Variants in PLAC1 observed in about 807,000 individuals in gnomAD.
The protein encoded by PLAC1 is placenta associated 1, also known as placenta-specific protein 1.
For synonymous variants in PLAC1, 68 were observed against 62.1 expected (o/e 1.09, Z -0.44); for missense variants, 136 against 163.2 (o/e 0.83, Z 0.91).
At chrX:134,660,099 T>C (rs186819200), upstream of PLAC1, among the ~76,000 whole-genome samples, 10 of 73,753 alleles carry the variant, frequency 1.4e-4, no homozygotes, top group Non-Finnish European at 2.6e-4. Context: ...GCTGAAAATG[T>C]TCAAAGATTT....
At chrX:134,645,939 A>T (rs752435906) in intron 1 of PLAC1, among the ~76,000 whole-genome samples, 1 of 111,654 alleles carries the variant, frequency 9.0e-6, no homozygotes, top group Non-Finnish European at 1.9e-5. Context: ...TTCCCTTTAC[A>T]TACGGTTGGA....
At chrX:134,680,031 T>C (rs2078489081) in intron 2 of PLAC1, among the ~76,000 whole-genome samples, 1 of 111,853 alleles carries the variant, frequency 8.9e-6, no homozygotes, top group Non-Finnish European at 1.9e-5. Flanking sequence ...TGCAAACTGC[T>C]TCCTAGGCAG....
At chrX:134,629,439 G>A (rs1269481467) in intron 1 of PLAC1, among the ~76,000 whole-genome samples, 6 of 111,082 alleles carry the variant, frequency 5.4e-5, no homozygotes, top group Non-Finnish European at 7.5e-5. Flanking sequence ...GAATTCAGGC[G>A]GTCCCATTAT....
chrX:134,748,296 C>T (rs1439022068), intron 1 of PLAC1, among the ~76,000 whole-genome samples: 1 of 105,384 alleles, frequency 9.5e-6, no homozygotes, highest in East Asian at 3.0e-4. Context: ...CGCCACTGTA[C>T]TCCAGCCTGG....
intron 1 of PLAC1, among the ~76,000 whole-genome samples, chrX:134,636,043 C>G (rs1569394338): frequency 8.9e-6 from 1 of 112,209 alleles, no homozygotes; most frequent in Non-Finnish European, 1.9e-5. Context: ...TAACACAGGA[C>G]TATCCTGAGC....
At chrX:134,607,875 T>G (rs111363679) in intron 1 of PLAC1, among the ~76,000 whole-genome samples, 10 of 110,431 alleles carry the variant, frequency 9.1e-5, no homozygotes, top group Non-Finnish European at 1.9e-4. Flanking sequence ...TGAACAACCT[T>G]GGATGCGGAC....
At chrX:134,634,381 C>A (rs1208033874) in intron 1 of PLAC1, among the ~76,000 whole-genome samples, 1 of 111,949 alleles carries the variant, frequency 8.9e-6, no homozygotes, top group Non-Finnish European at 1.9e-5. Context: ...ACATTCCATA[C>A]AATTCACCCA....
At chrX:134,612,922 G>A (rs1372388295) in intron 1 of PLAC1, among the ~76,000 whole-genome samples, 2 of 110,559 alleles carry the variant, frequency 1.8e-5, no homozygotes, top group Admixed American at 9.7e-5. Flanking sequence ...TGGGGATTGG[G>A]CCAGGCATGG....
intron 1 of PLAC1, among the ~76,000 whole-genome samples, chrX:134,759,189 C>T (rs988224583): frequency 4.6e-5 from 5 of 109,070 alleles, no homozygotes; most frequent in African/African-American, 6.7e-5. Context: ...CTCACTCTGT[C>T]GCCTAGGCTG....
At chrX:134,596,116 C>T (rs2078061176) in intron 2 of PLAC1, among the ~76,000 whole-genome samples, 1 of 111,300 alleles carries the variant, frequency 9.0e-6, no homozygotes, top group Non-Finnish European at 1.9e-5. Context: ...AAAAACCTTA[C>T]TTCTGTTAAT....
At chrX:134,573,040 A>G (rs945461826) in intron 2 of PLAC1, among the ~76,000 whole-genome samples, 4 of 111,773 alleles carry the variant, frequency 3.6e-5, no homozygotes, top group Non-Finnish European at 7.5e-5. Context: ...TTGGTTACTA[A>G]AAGGTGAGTA....
chrX:134,575,343 CAT>C (rs771553656), intron 2 of PLAC1, among the ~76,000 whole-genome samples: 1 of 110,420 alleles, frequency 9.1e-6, no homozygotes, highest in Non-Finnish European at 1.9e-5. Context: ...TATCAAAAAA[CAT>C]AACAATTTTT....
chrX:134,708,209 C>A (rs2078613647), intron 2 of PLAC1, among the ~76,000 whole-genome samples: 1 of 111,613 alleles, frequency 9.0e-6, no homozygotes, highest in Admixed American at 9.5e-5. Flanking sequence ...CTACACCCAG[C>A]AAAAATATTC....
intron 2 of PLAC1, among the ~76,000 whole-genome samples, chrX:134,573,974 A>G (rs1177344781): frequency 9.0e-6 from 1 of 111,386 alleles, no homozygotes; most frequent in East Asian, 2.8e-4. Flanking sequence ...TAGCGAGCCT[A>G]CAATTTGGGA....
intron 2 of PLAC1, among the ~76,000 whole-genome samples, chrX:134,674,572 C>G (rs1420642357): frequency 8.9e-6 from 1 of 112,577 alleles, no homozygotes; most frequent in Non-Finnish European, 1.9e-5. Context: ...CTGTGACCCA[C>G]AAGCATCTGT....
At chrX:134,698,843 C>T (rs1320461710) in intron 2 of PLAC1, among the ~76,000 whole-genome samples, 2 of 111,051 alleles carry the variant, frequency 1.8e-5, no homozygotes, top group Non-Finnish European at 3.8e-5. Flanking sequence ...ATAATGTGAC[C>T]AGAAGAGAAC....
chrX:134,691,472 G>A (rs2078541521), intron 2 of PLAC1, among the ~76,000 whole-genome samples: 1 of 111,127 alleles, frequency 9.0e-6, no homozygotes, highest in African/African-American at 3.3e-5. Context: ...AATAAGATTT[G>A]GAGAGAGAAG....
chrX:134,692,301 T>C (rs2078545787), intron 2 of PLAC1, among the ~76,000 whole-genome samples: 1 of 111,929 alleles, frequency 8.9e-6, no homozygotes, highest in Non-Finnish European at 1.9e-5. Flanking sequence ...GCAGAGCCTG[T>C]TTCTTGAATA....
intron 1 of PLAC1, among the ~76,000 whole-genome samples, chrX:134,623,058 A>G (rs1485672463): frequency 4.4e-5 from 5 of 112,405 alleles, no homozygotes; most frequent in African/African-American, 1.6e-4. Context: ...TGTCAACTAC[A>G]AGAGCCTTCA....
Sources: gnomAD v4.1 joint callset for allele counts (sites outside exome capture counted in the v4.1 genomes callset) on GRCh38, gnomAD v4.1.1 for gene constraint, MANE v1.5 for transcripts, NCBI Gene and HGNC (gene_info 2026-07-23, HGNC 2026-07-21) for gene names.